Variants in FCRL5 observed in about 807,000 individuals in gnomAD.
FCRL5 encodes the protein Fc receptor like 5.
A neutral mutation model predicts 92.1 loss-of-function variants in FCRL5; 79 were observed. The observed-to-expected ratio is 0.86, with a 90% CI of 0.72 to 1.03. The LOEUF is 1.03. FCRL5 is among the 50% of genes least tolerant of loss of function. The pLI is 0.00. For missense variants in FCRL5, 1,160 were observed against 1,181.1 expected (o/e 0.98, Z 0.26); for synonymous variants, 466 against 469.3 (o/e 0.99, Z 0.09).
At chr1:157,552,103 T>A (rs1571119899) in intron 1 of FCRL5, among the ~76,000 whole-genome samples, 1 of 152,182 alleles carries the variant, frequency 6.6e-6, no homozygotes, top group African/African-American at 2.4e-5. Context: ...ATTGTTGTGG[T>A]TATTGTGGTT....
chr1:157,547,113 C>A lies in FCRL5; in HGVS notation c.137G>T (p.Gly46Val). The A allele has an allele frequency of 6.2e-7, 1 of 1,614,102 alleles. No homozygotes were observed. Among genetic ancestry groups the A allele is most frequent in the African/African-American group, 1.3e-5 (1 of 75,030 alleles). Residue 46 changes from glycine to valine, a missense_variant, in exon 3 of 17, where the codon GGA (glycine) becomes GTA (valine). Coordinates refer to ENST00000361835, the MANE Select transcript of FCRL5 (RefSeq NM_031281.3). The part of the protein sequence containing the change: ...QGERVTLTCK[G>V]FRFYSPQKTK... ...TTTCTGTGGTGAGTAGAAGCGAAAT[C>A]CCTTGCAAGTGAGGGTCACTCTCTC...
At chr1:157,518,902 T>A in intron 13 of FCRL5, 120 bp from the exon 14 acceptor site, 1 of 681,642 alleles carries the variant, frequency 1.5e-6, no homozygotes, top group Non-Finnish European at 2.5e-6. Context: ...CATGAACAAG[T>A]ACATAACAAA....
Position 157,547,034 on chromosome 1 carries a change from G to T in FCRL5, c.216C>A (p.Asp72Glu). The T allele has an allele frequency of 6.2e-7, 1 of 1,614,170 alleles. No individual in the cohort carries two copies. Residue 72 changes from aspartate (D) to glutamate (E), a missense_variant, in exon 3 of 17, where the codon GAC (aspartate) becomes GAA (glutamate). By Grantham distance (45) the Asp-to-Glu change is conservative. Transcript: ENST00000361835. ...CAGATTCCTGAACCTCAAGGATATT[G>T]TCTGGGGTTTCTCTTAGTATTTCTT... Reference protein sequence around the residue: ...LGKEILRETPDNILEVQESGE... With the variant: ...LGKEILRETPENILEVQESGE...
At chr1:157,549,137 G>C (rs1032730348) in intron 2 of FCRL5, among the ~76,000 whole-genome samples, 4 of 152,056 alleles carry the variant, frequency 2.6e-5, no homozygotes, top group African/African-American at 9.7e-5. Context: ...CCTTTGTAGG[G>C]ACATGGATGA....
chr1:157,521,453 G>T, intron 10 of FCRL5, 161 bp from the exon 11 acceptor site: 1 of 831,662 alleles, frequency 1.2e-6, no homozygotes, highest in Non-Finnish European at 1.8e-6. Flanking sequence ...ATAGTTTTCA[G>T]TGTACAAAAA....
rs1650140314 is a variant in FCRL5 at position 157,520,681 on chromosome 1, G to T, written c.2516-134C>A. ...CCGGCAGCTAAGCAGGGGCTGGTGT[G>T]GCACAGAAGATGGCTCCTGTCTTTG... On this transcript the variant is annotated intron_variant, in intron 11 of 16. Coordinates refer to ENST00000361835, the MANE Select transcript of FCRL5 (RefSeq NM_031281.3). The T allele has an allele frequency of 7.6e-6, 5 of 661,340 alleles. No individual in the cohort carries two copies. The Admixed American group carries it at 8.6e-5, about 11-fold the overall frequency. The allele number at this position is 661,340 out of a possible 1,614,324, so 41.0% of individuals were successfully genotyped here. A position where few individuals can be genotyped will look rare whatever the true frequency, so the allele number is the denominator to read the frequency against.
In FCRL5 at chr1:157,544,983, T is replaced by C; in HGVS notation, c.407A>G (p.Tyr136Cys). 1 of 1,614,206 alleles carries C rather than the reference T, an allele frequency of 6.2e-7. No individual in the cohort carries two copies. Among genetic ancestry groups the C allele is most frequent in the Non-Finnish European group, 8.5e-7 (1 of 1,180,044 alleles). ...GAATGCCAGGACATTATCATTCTTG[T>C]AAATAGTATTATTCAGTGTTACTTC... ...KAEVTLNNTI[Y>C]KNDNVLAFLN... The change falls in exon 4 of 17, where the codon TAC becomes TGC. Residue 136 changes from tyrosine to cysteine, a missense_variant. Coordinates refer to ENST00000361835, the MANE Select transcript of FCRL5 (RefSeq NM_031281.3).
chr1:157,519,823 G>A (rs1443763210), intron 12 of FCRL5, 53 bp from the exon 13 acceptor site: 2 of 1,580,874 alleles, frequency 1.3e-6, no homozygotes, highest in Non-Finnish European at 1.7e-6. Flanking sequence ...ACCCTCAGTG[G>A]GGCACAGCTC....
chr1:157,515,909 T>C, intron 15 of FCRL5, 36 bp from the exon 16 acceptor site: 1 of 1,611,542 alleles, frequency 6.2e-7, no homozygotes, highest in Non-Finnish European at 8.5e-7. Context: ...TGTGGAAGAC[T>C]GGCATGGGGC....
Position 157,524,390 on chromosome 1 carries a change from C to T in FCRL5, c.2128G>A (p.Gly710Arg). Residue 710 changes from glycine (G) to arginine (R), a missense_variant, in exon 10 of 17, where the codon GGG (glycine) becomes AGG (arginine). Gly to Arg is a moderately radical substitution (Grantham distance 125). Coordinates refer to ENST00000361835, the MANE Select transcript of FCRL5 (RefSeq NM_031281.3). Reference protein sequence around the residue: ...LGKISAPSGGGASFNLSLTTE... With the variant: ...LGKISAPSGGRASFNLSLTTE... The stretch of plus-strand genomic sequence containing the variant: ...GTCAGAGAGAGGTTGAAGGAGGCCC[C>T]TCCTCCAGAGGGGGCTGAGATCTTA... The T allele has an allele frequency of 1.2e-6, 2 of 1,614,240 alleles. No individual in the cohort carries two copies. Among genetic ancestry groups the T allele is most frequent in the South Asian group, 1.1e-5 (1 of 91,084 alleles).
rs1265997195 is a variant in FCRL5 at position 157,552,425 on chromosome 1, T to C, written c.-63A>G. ...AGTTTCCTCAATTCCAAAACAGGTT[T>C]GGACTTGATCTTACAGTCAGGACAC... On this transcript the variant is annotated 5_prime_UTR_variant, in exon 1 of 17. Transcript: ENST00000361835. The C allele has an allele frequency of 1.3e-6, 2 of 1,579,590 alleles. No individual in the cohort carries two copies. The highest frequency in any genetic ancestry group is 3.3e-5 in the Admixed American group (2 of 59,874).
intron 6 of FCRL5, among the ~76,000 whole-genome samples, chr1:157,540,926 C>A (rs542303461): frequency 6.6e-6 from 1 of 152,230 alleles, no homozygotes; most frequent in Admixed American, 6.5e-5. Flanking sequence ...ATTATTGTTG[C>A]CCCTCTTTCA....
rs1158269960 is a variant in FCRL5, at chr1:157,544,503, G to T, written c.603C>A (p.Pro201=). The T allele has an allele frequency of 1.2e-6, 2 of 1,614,042 alleles. No homozygotes were observed. The highest frequency in any genetic ancestry group is 1.3e-5 in the African/African-American group (1 of 74,928). The change falls in exon 5 of 17, where the codon CCC becomes CCA. Residue 201 remains proline (P), a synonymous_variant. Coordinates refer to ENST00000361835, the MANE Select transcript of FCRL5 (RefSeq NM_031281.3). The part of the protein sequence containing the change: ...RPVLRASSFQ[P]ISGNPVTLTC... Reference sequence around the variant, plus strand: ...TCAGGGTCACTGGGTTCCCGCTGATGGGCTGGAAGGAGCTGGCTCTCAGCA... The same window carrying T: ...TCAGGGTCACTGGGTTCCCGCTGATTGGCTGGAAGGAGCTGGCTCTCAGCA...
At chr1:157,519,636 A>T (rs776043697) in intron 13 of FCRL5, 107 bp downstream of exon 13, 50 of 1,285,160 alleles carry the variant, frequency 3.9e-5, no homozygotes, top group Middle Eastern at 2.2e-4. Context: ...ACCCCAGCTC[A>T]GCAGCACCTG....
intron 6 of FCRL5, chr1:157,542,402 G>A (rs189202920): frequency 6.4e-6 from 1 of 157,444 alleles, no homozygotes; most frequent in Non-Finnish European, 1.4e-5. Context: ...GACATGCTGG[G>A]TTAACTATGA....
intron 12 of FCRL5, among the ~76,000 whole-genome samples, chr1:157,520,054 TA>T (rs1329217663): frequency 1.3e-5 from 2 of 152,184 alleles, no homozygotes; most frequent in African/African-American, 4.8e-5. Flanking sequence ...ACTATAAAAA[TA>T]GTGTACATTT....
At chr1:157,525,137 A>G (rs900889406) in intron 9 of FCRL5, among the ~76,000 whole-genome samples, 1 of 152,224 alleles carries the variant, frequency 6.6e-6, no homozygotes, top group African/African-American at 2.4e-5. Context: ...TAGAGCCTAC[A>G]ATCTAGAAGG....
In FCRL5 at chr1:157,552,412, T is replaced by C; in HGVS notation, c.-50A>G. On this transcript the variant is annotated 5_prime_UTR_variant, in exon 1 of 17. Transcript: ENST00000361835. ...AGATCAAAAGAGAAGTTTCCTCAAT[T>C]CCAAAACAGGTTTGGACTTGATCTT... 6.2e-7 allele frequency: 1 copy of C among 1,607,122 alleles called. No individual in the cohort carries two copies. The highest frequency in any genetic ancestry group is 1.1e-5 in the South Asian group (1 of 90,902).
Position 157,520,412 on chromosome 1 carries a change from T to A in FCRL5, c.2632+19A>T. 6.5e-7 allele frequency: 1 copy of A among 1,537,036 alleles called. No homozygotes were observed. The highest frequency in any genetic ancestry group is 1.4e-5 in the African/African-American group (1 of 73,426). ...GGAAGGGCATGAACTCAAGCCAAGG[T>A]GTGCCCAGAGTCACCCACCTGCTTT... On this transcript the variant is annotated intron_variant, in intron 12 of 16. Transcript: ENST00000361835.
Sources: allele counts gnomAD v4.1 joint callset (sites outside exome capture counted in the v4.1 genomes callset), GRCh38; gene constraint gnomAD v4.1.1; transcripts MANE v1.5; gene names NCBI Gene and HGNC (gene_info 2026-07-23, HGNC 2026-07-21).